PLAC1: variants seen among roughly 807,000 people sequenced by gnomAD.
The protein encoded by PLAC1 is placenta associated 1.
For missense variants in PLAC1, 136 were observed against 163.2 expected (o/e 0.83, Z 0.91); for synonymous variants, 68 against 62.1 (o/e 1.09, Z -0.44).
At chrX:134,627,162 C>T (rs2078240294) in intron 1 of PLAC1, among the ~76,000 whole-genome samples, 1 of 111,824 alleles carries the variant, frequency 8.9e-6, no homozygotes, top group African/African-American at 3.3e-5. Flanking sequence ...GAAAATGGTT[C>T]CCAAAAGGGT....
At chrX:134,614,596 T>C (rs867443684) in intron 1 of PLAC1, among the ~76,000 whole-genome samples, 2 of 106,499 alleles carry the variant, frequency 1.9e-5, no homozygotes, top group East Asian at 5.8e-4. Context: ...GTATATATGA[T>C]ACACACACAC....
chrX:134,568,447 C>A (rs1791231534), intron 2 of PLAC1, among the ~76,000 whole-genome samples: 1 of 112,119 alleles, frequency 8.9e-6, no homozygotes, highest in Non-Finnish European at 1.9e-5. Context: ...AACGCACTGG[C>A]CTGGATGAAA....
intron 1 of PLAC1, among the ~76,000 whole-genome samples, chrX:134,756,811 T>C (rs2078758585): frequency 9.3e-6 from 1 of 107,337 alleles, no homozygotes; most frequent in Non-Finnish European, 1.9e-5. Flanking sequence ...ATTACGCCAC[T>C]GCACTCCAGC....
intron 1 of PLAC1, among the ~76,000 whole-genome samples, chrX:134,627,480 C>G (rs918647903): frequency 8.9e-6 from 1 of 112,185 alleles, no homozygotes; most frequent in South Asian, 3.7e-4. Context: ...CAAAGATATA[C>G]GTATATCCAG....
intron 1 of PLAC1, among the ~76,000 whole-genome samples, chrX:134,743,434 GA>G (rs1006278201): frequency 4.5e-5 from 5 of 110,543 alleles, no homozygotes; most frequent in Admixed American, 3.9e-4. Context: ...GGAATGTGTA[GA>G]AAGCAGAAAA....
At chrX:134,601,437 T>C (rs1478816342) in intron 2 of PLAC1, 1 of 112,182 alleles carries the variant, frequency 8.9e-6, no homozygotes, top group Non-Finnish European at 1.9e-5. Flanking sequence ...AGTTGCCCTG[T>C]GGGAGAGTTG....
chrX:134,601,155 T>C (rs1394023286), intron 2 of PLAC1, among the ~76,000 whole-genome samples: 1 of 111,103 alleles, frequency 9.0e-6, no homozygotes, highest in African/African-American at 3.3e-5. Flanking sequence ...AGTTAGACCA[T>C]GAGCATTTAC....
At chrX:134,603,272 TATATATATATATATA>T (rs1569384278) in intron 1 of PLAC1, among the ~76,000 whole-genome samples, 25 of 2,287 alleles carry the variant, frequency 0.011, no homozygotes, top group African/African-American at 0.032. Context: ...CTGTATTTTA[TATATATATATATATA>T]TATATATATA....
intron 1 of PLAC1, among the ~76,000 whole-genome samples, chrX:134,616,180 C>T (rs1441300142): frequency 9.0e-6 from 1 of 110,870 alleles, no homozygotes; most frequent in Non-Finnish European, 1.9e-5. Flanking sequence ...CAGGATCTTG[C>T]TGTGTTTCTG....
intron 1 of PLAC1, among the ~76,000 whole-genome samples, chrX:134,634,634 G>A (rs931739138): frequency 1.8e-5 from 2 of 112,108 alleles, no homozygotes; most frequent in African/African-American, 6.5e-5. Flanking sequence ...AGTCTTTTGT[G>A]ATGGCATCTT....
intron 2 of PLAC1, among the ~76,000 whole-genome samples, chrX:134,710,947 G>A (rs752940620): frequency 9.8e-5 from 11 of 111,695 alleles, no homozygotes; most frequent in Non-Finnish European, 2.1e-4. Flanking sequence ...TAAATGAAAC[G>A]TGTGTTAAAT....
intron 1 of PLAC1, among the ~76,000 whole-genome samples, chrX:134,758,324 A>G (rs963703527): frequency 8.9e-6 from 1 of 111,995 alleles, no homozygotes; most frequent in African/African-American, 3.2e-5. Context: ...ACAGAACAAA[A>G]AAAGAGTCCA....
At chrX:134,700,671 A>G (rs1217054412) in intron 2 of PLAC1, among the ~76,000 whole-genome samples, 2 of 112,010 alleles carry the variant, frequency 1.8e-5, no homozygotes, top group Non-Finnish European at 3.8e-5. Context: ...AGCCAATTCA[A>G]TAATGCAATT....
chrX:134,696,772 T>C (rs1241991640), intron 2 of PLAC1, among the ~76,000 whole-genome samples: 1 of 111,112 alleles, frequency 9.0e-6, no homozygotes, highest in African/African-American at 3.3e-5. Flanking sequence ...CTCACGCCTG[T>C]AATCCCAGCA....
At chrX:134,611,835 C>G (rs1013750229) in intron 1 of PLAC1, among the ~76,000 whole-genome samples, 3 of 111,073 alleles carry the variant, frequency 2.7e-5, no homozygotes, top group African/African-American at 9.8e-5. Context: ...CTGCCCAACT[C>G]TAGGTCACAC....
rs140752204 is a variant in PLAC1 at position 134,643,165 on chromosome X, C to T, written c.-131+15163G>A. 5.5e-3 allele frequency among the ~76,000 whole-genome samples: 616 copies of T among 111,390 alleles called. 6 individuals carry two copies. The highest frequency in any genetic ancestry group is 0.02 in the South Asian group (53 of 2,640). On this transcript the variant is annotated intron_variant, in intron 1 of 2. Transcript: ENST00000359237. ...AATATTTATACCAGTAAATTTGGAA[C>T]GTAGATGAAATAGACAATTTTCTGG...
intron 2 of PLAC1, among the ~76,000 whole-genome samples, chrX:134,570,539 A>G (rs1314101883): frequency 2.7e-5 from 3 of 111,651 alleles, no homozygotes; most frequent in African/African-American, 6.5e-5. Context: ...GTGCTGAGAA[A>G]AAAAGCAGTC....
chrX:134,698,157 TA>T (rs1413702006), intron 2 of PLAC1, among the ~76,000 whole-genome samples: 1 of 111,482 alleles, frequency 9.0e-6, no homozygotes, highest in African/African-American at 3.3e-5. Flanking sequence ...TTTACTATTA[TA>T]AAAATACTGT....
intron 1 of PLAC1, among the ~76,000 whole-genome samples, chrX:134,622,523 T>G (rs757049840): frequency 3.6e-5 from 4 of 110,762 alleles, no homozygotes; most frequent in African/African-American, 1.3e-4. Context: ...ATCGGATGGG[T>G]AAACTAGAGG....
Sources: gnomAD v4.1 joint callset for allele counts (sites outside exome capture counted in the v4.1 genomes callset) on GRCh38, gnomAD v4.1.1 for gene constraint, MANE v1.5 for transcripts, NCBI Gene and HGNC (gene_info 2026-07-23, HGNC 2026-07-21) for gene names.